The following HDGFL3 variants were observed in gnomAD, a reference collection of about 807,000 sequenced individuals.
HDGFL3 encodes the protein hepatoma-derived growth factor-related protein 3.
In HDGFL3, 6 loss-of-function variants were observed where a neutral mutation model predicts 27.6. The ratio of observed to expected loss-of-function variants is 0.22; its 90% CI spans 0.12 to 0.43. HDGFL3 has a LOEUF of 0.43. Among genes scored for constraint, HDGFL3 ranks in the 20% least tolerant of loss-of-function variants. The probability of loss-of-function intolerance (pLI) is 1.00; values close to 1 mark genes in which losing one functional copy is unlikely to be tolerated. For missense variants in HDGFL3, 207 were observed against 250.1 expected (o/e 0.83, Z 1.16); for synonymous variants, 88 against 88.9 (o/e 0.99, Z 0.05).
intron 3 of HDGFL3, chr15:83,119,472 T>G: frequency 8.7e-7 from 1 of 1,143,454 alleles, no homozygotes; most frequent in South Asian, 1.4e-5. Flanking sequence ...TCTTAGCAGA[T>G]GAACACAAGT....
chr15:83,203,132 T>G (rs1294840318), intron 1 of HDGFL3, among the ~76,000 whole-genome samples: 1 of 152,124 alleles, frequency 6.6e-6, no homozygotes, highest in Non-Finnish European at 1.5e-5. Context: ...ATAAAGTTTT[T>G]AAGTGTAAAA....
intron 5 of HDGFL3, among the ~76,000 whole-genome samples, chr15:83,147,558 A>C (rs2036913673): frequency 6.6e-6 from 1 of 152,198 alleles, no homozygotes; most frequent in Non-Finnish European, 1.5e-5. Flanking sequence ...TTAGCCCTAC[A>C]TGATATCAGG....
In HDGFL3 at chr15:83,172,624, G is replaced by A. The variant is rs1025298324; in HGVS notation, c.85-8549C>T. On this transcript the variant is annotated intron_variant, in intron 1 of 5. Coordinates refer to ENST00000299633, the MANE Select transcript of HDGFL3 (RefSeq NM_016073.4). ...AGGCCAAGGTGGGTGGATCACCTGAGGTCAGGAGTTCAACACCAGCCTGGC... is the reference window on the plus strand; with the variant it reads ...AGGCCAAGGTGGGTGGATCACCTGAAGTCAGGAGTTCAACACCAGCCTGGC... Among the ~76,000 whole-genome samples the A allele has an allele frequency of 3.3e-5, 5 of 152,094 alleles. No homozygotes were observed. The East Asian group carries it at 9.6e-4, about 29-fold the overall frequency.
intron 1 of HDGFL3, among the ~76,000 whole-genome samples, chr15:83,167,974 G>A (rs916213973): frequency 1.9e-4 from 29 of 151,826 alleles, no homozygotes; most frequent in Admixed American, 9.8e-4. Context: ...AGGCCACAGT[G>A]GAATAAAAAC....
intron 5 of HDGFL3, among the ~76,000 whole-genome samples, chr15:83,146,075 T>G (rs1448753923): frequency 6.6e-6 from 1 of 151,824 alleles, no homozygotes; most frequent in Non-Finnish European, 1.5e-5. Context: ...CATGCCCAGC[T>G]AATTTTTGCA....
intron 1 of HDGFL3, among the ~76,000 whole-genome samples, chr15:83,171,656 G>GC (rs2151410752): frequency 6.6e-6 from 1 of 152,132 alleles, no homozygotes; most frequent in South Asian, 2.1e-4. Context: ...ACAAAATACC[G>GC]CATGTTCTTA....
At chr15:83,200,396 ACAATGG>A in intron 1 of HDGFL3, among the ~76,000 whole-genome samples, 1 of 152,174 alleles carries the variant, frequency 6.6e-6, no homozygotes, top group East Asian at 1.9e-4. Flanking sequence ...AAGATGGGTA[ACAATGG>A]GAAGTCCCCA....
chr15:83,160,717 T>C (rs906435393), intron 2 of HDGFL3, among the ~76,000 whole-genome samples: 4 of 152,126 alleles, frequency 2.6e-5, no homozygotes, highest in African/African-American at 9.7e-5. Flanking sequence ...AAAGAGAAGA[T>C]ACTGAAAGCT....
intron 1 of HDGFL3, among the ~76,000 whole-genome samples, chr15:83,196,731 T>C (rs2037574720): frequency 6.6e-6 from 1 of 151,710 alleles, no homozygotes; most frequent in African/African-American, 2.4e-5. Context: ...GAGAAAAAAA[T>C]AGAATTGATT....
At chr15:83,113,354 C>T (rs1020540122) in exon 4 of HDGFL3, 1 of 163,498 alleles carries the variant, frequency 6.1e-6, no homozygotes, top group Non-Finnish European at 1.3e-5. Flanking sequence ...CTTGTATGAC[C>T]CTGAGCACTT....
chr15:83,143,193 G>C (rs903881497), intron 5 of HDGFL3, among the ~76,000 whole-genome samples: 1 of 151,918 alleles, frequency 6.6e-6, no homozygotes, highest in Non-Finnish European at 1.5e-5. Flanking sequence ...TGTATTTTTT[G>C]TAGAGATGGG....
At chr15:83,112,831 C>G (rs975108128) in exon 4 of HDGFL3, 9 of 1,614,028 alleles carry the variant, frequency 5.6e-6, no homozygotes, top group Non-Finnish European at 6.8e-6. Context: ...TGCCCTCATC[C>G]TGTTCCTGGT....
At chr15:83,176,578 A>G (rs971923670) in intron 1 of HDGFL3, among the ~76,000 whole-genome samples, 1 of 152,148 alleles carries the variant, frequency 6.6e-6, no homozygotes, top group Non-Finnish European at 1.5e-5. Flanking sequence ...TCAGAGTTTC[A>G]TCCCTGGACC....
intron 3 of HDGFL3, among the ~76,000 whole-genome samples, chr15:83,117,534 C>A (rs1463167506): frequency 6.6e-6 from 1 of 152,112 alleles, no homozygotes; most frequent in Non-Finnish European, 1.5e-5. Context: ...GAAGGAAAAC[C>A]TGGAGAGTGG....
At chr15:83,193,887 G>A (rs1247785769) in intron 1 of HDGFL3, among the ~76,000 whole-genome samples, 2 of 152,092 alleles carry the variant, frequency 1.3e-5, no homozygotes, top group Non-Finnish European at 2.9e-5. Flanking sequence ...ACTCTGCATG[G>A]GGCAGTACCT....
At chr15:83,115,896 A>G (rs1253153265) in intron 3 of HDGFL3, 1 of 1,614,160 alleles carries the variant, frequency 6.2e-7, no homozygotes, top group Non-Finnish European at 8.5e-7. Flanking sequence ...ATAGGACTGG[A>G]GCAAGATGGA....
intron 2 of HDGFL3, among the ~76,000 whole-genome samples, chr15:83,163,219 G>A (rs561394803): frequency 6.6e-6 from 1 of 152,332 alleles, no homozygotes; most frequent in African/African-American, 2.4e-5. Context: ...AGTCGCAGTT[G>A]CCAGGAACCT....
At chr15:83,166,819 G>A (rs929414260) in intron 1 of HDGFL3, among the ~76,000 whole-genome samples, 1 of 152,172 alleles carries the variant, frequency 6.6e-6, no homozygotes, top group Admixed American at 6.5e-5. Context: ...CACTTTTAAA[G>A]AAGATCTCAT....
chr15:83,176,161 A>C (rs997220957), intron 1 of HDGFL3, among the ~76,000 whole-genome samples: 1 of 152,206 alleles, frequency 6.6e-6, no homozygotes. Context: ...TTTCACTTGT[A>C]TATGAAGTTG....
Sources: allele counts gnomAD v4.1 joint callset (sites outside exome capture counted in the v4.1 genomes callset), GRCh38; gene constraint gnomAD v4.1.1; transcripts MANE v1.5; gene names NCBI Gene and HGNC (gene_info 2026-07-23, HGNC 2026-07-21).